DCTN1: variants seen among roughly 807,000 people sequenced by gnomAD.
The protein encoded by DCTN1 is dynactin subunit 1.
A neutral mutation model predicts 161.2 loss-of-function variants in DCTN1; 61 were observed. That is an observed-to-expected ratio of 0.38 (90% confidence interval 0.31 to 0.47). DCTN1 has a LOEUF of 0.47. DCTN1 is among the 20% of genes least tolerant of loss of function. The pLI, the probability that DCTN1 is intolerant of heterozygous loss-of-function variation, is 0.99. For synonymous variants in DCTN1, 653 were observed against 632.4 expected (o/e 1.03, Z -0.49); for missense variants, 1,404 against 1,623.7 (o/e 0.86, Z 2.33).
At position 74,370,079 on chromosome 2, in the gene DCTN1, G is replaced by C. The variant is rs72659375; in HGVS notation, c.1288-10C>G. The C allele has an allele frequency of 6.8e-6, 11 of 1,614,140 alleles. No individual in the cohort carries two copies. Among genetic ancestry groups the C allele is most frequent in the Non-Finnish European group, 9.3e-6 (11 of 1,180,014 alleles). On this transcript the variant is annotated splice_polypyrimidine_tract_variant and intron_variant, in intron 12 of 31. Transcript: ENST00000628224. This position sits in a 1 kb window ranked among gnomAD's most constrained non-coding sequence, Gnocchi z 4.4. Reference sequence around the variant, plus strand: ...CCAGAGCAGCATCCACCTGTGTTACGGGGAGGATAGGGAGAAGGGCTGCTG... The same window carrying C: ...CCAGAGCAGCATCCACCTGTGTTACCGGGAGGATAGGGAGAAGGGCTGCTG...
At chr2:74,391,572 G>A (rs1280302491) in intron 1 of DCTN1, 2 of 335,140 alleles carry the variant, frequency 6.0e-6, no homozygotes, top group East Asian at 9.4e-5. Flanking sequence ...CTAAGGCGCA[G>A]TCACTCTGAT....
intron 15 of DCTN1, 38 bp from the exon 16 acceptor site, chr2:74,368,918 C>A (rs780825304): frequency 1.6e-5 from 25 of 1,612,522 alleles, no homozygotes; most frequent in Non-Finnish European, 2.1e-5. Flanking sequence ...TTAGCCAGAG[C>A]TGAAAGAGCC....
chr2:74,373,051 C>G, intron 6 of DCTN1, 103 bp from the exon 7 acceptor site: 1 of 1,106,738 alleles, frequency 9.0e-7, no homozygotes, highest in Non-Finnish European at 1.4e-6. Flanking sequence ...GAAGAAATAA[C>G]AGGAATGGGG....
At position 74,365,036 on chromosome 2, in the gene DCTN1, T is replaced by C. The variant is rs1674297620; in HGVS notation, c.3196+39A>G. On this transcript the variant is annotated intron_variant, in intron 26 of 31. Transcript: ENST00000628224. ...AGGCCAAGGACAGGAGAGAAGACAA[T>C]CTCCTCTGTGCTAGTGCTGCCTATT... 15 of 1,613,242 alleles carry C rather than the reference T, an allele frequency of 9.3e-6. No homozygotes were observed. The East Asian group carries it at 2.2e-4, about 24-fold the overall frequency.
At position 74,362,125 on chromosome 2, in the gene DCTN1, T is replaced by C. The variant is rs150386917; in HGVS notation, c.3626A>G (p.Glu1209Gly). The stretch of plus-strand genomic sequence containing the variant: ...GGCTCCAGGGCGCTGAGATACTGTC[T>C]CCTTGAGGACCTCATCCTAGGGAAG... Reference protein sequence around the residue: ...VEKLKDEVLKETVSQRPGATV... With the variant: ...VEKLKDEVLKGTVSQRPGATV... The change falls in exon 31 of 32, where the codon GAG (glutamate) becomes GGG (glycine). Residue 1209 changes from glutamate (E) to glycine (G), a missense_variant. Around this residue, in one of 9 missense-constraint regions of DCTN1, gnomAD observed 311 missense variants for 298.9 expected, o/e 1.04. Coordinates refer to ENST00000628224, the MANE Select transcript of DCTN1 (RefSeq NM_004082.5). 1 of 1,613,722 alleles carries C rather than the reference T, an allele frequency of 6.2e-7. No individual in the cohort carries two copies. Among genetic ancestry groups the C allele is most frequent in the Non-Finnish European group, 8.5e-7 (1 of 1,179,778 alleles).
intron 18 of DCTN1, 109 bp from the exon 19 acceptor site, chr2:74,367,529 G>C (rs1366101022): frequency 6.7e-7 from 1 of 1,494,236 alleles, no homozygotes; most frequent in East Asian, 2.3e-5. Context: ...AGGTACAAGA[G>C]AATCCAAAGC....
chr2:74,365,561 G>C lies in DCTN1; in HGVS notation c.2983C>G (p.Gln995Glu), dbSNP rs1486092622. The part of the protein sequence containing the change: ...KDADERIEKV[Q>E]TRLEETQALL... Reference sequence around the variant, plus strand: ...GCCTGGGTCTCCTCCAGCCGAGTCTGGACTTTCTCGATGCGCTCATCTGCA... The same window carrying C: ...GCCTGGGTCTCCTCCAGCCGAGTCTCGACTTTCTCGATGCGCTCATCTGCA... The change falls in exon 25 of 32, where the codon CAG (glutamine) becomes GAG (glutamate). Residue 995 changes from glutamine (Q) to glutamate (E), a missense_variant. Physicochemically the swap from Gln to Glu is conservative, Grantham distance 29. Around this residue, in one of 9 missense-constraint regions of DCTN1, gnomAD observed 475 missense variants for 489.8 expected, o/e 0.97. Transcript: ENST00000628224. 6 of 1,614,122 alleles carry C rather than the reference G, an allele frequency of 3.7e-6. No homozygotes were observed. In the South Asian group the frequency reaches 6.6e-5, roughly 18 times the overall value.
Position 74,371,546 on chromosome 2 carries a change from G to T in DCTN1, c.636C>A (p.Ser212=), listed in dbSNP as rs1399722047. Residue 212 remains serine, a synonymous_variant, in exon 8 of 32, where the codon TCC becomes TCA. Transcript: ENST00000628224. ...TSPGAVPPLP[S]PSKEEEGLRA... is the part of the protein sequence containing the mutation. The stretch of plus-strand genomic sequence containing the variant: ...CTACCCCAGGCCTTACCTTGGATGG[G>T]GAAGGAAGCGGGGGGACTGCTCCAG... 6.4e-7 allele frequency: 1 copy of T among 1,574,104 alleles called. No individual in the cohort carries two copies. The highest frequency in any genetic ancestry group is 8.6e-7 in the Non-Finnish European group (1 of 1,159,990).
intron 26 of DCTN1, 97 bp downstream of exon 26, chr2:74,364,978 G>T (rs557075318): frequency 1.3e-6 from 2 of 1,506,480 alleles, no homozygotes; most frequent in Admixed American, 3.4e-5. Flanking sequence ...CTGAATACCC[G>T]GGGGTAAGGG....
chr2:74,370,468 C>T lies in DCTN1; in HGVS notation c.1125G>A (p.Val375=). ...GAGGCAAGCACTGAAGACCCTACCT[C>T]ACCAGGGCATCCTTCAGGCGGGCAT... ...EQNARLKDAL[V]RMRDLSSSEK... The change falls in exon 11 of 32, where the codon GTG becomes GTA. Residue 375 remains valine, a splice_region_variant and synonymous_variant. Transcript: ENST00000628224. This position sits in a 1 kb window ranked among gnomAD's most constrained non-coding sequence, Gnocchi z 4.4. 1.2e-6 allele frequency: 2 copies of T among 1,614,232 alleles called. No individual in the cohort carries two copies. Among genetic ancestry groups the T allele is most frequent in the Non-Finnish European group, 1.7e-6 (2 of 1,180,048 alleles).
At chr2:74,363,789 C>A in intron 26 of DCTN1, 161 bp from the exon 27 acceptor site, 1 of 944,508 alleles carries the variant, frequency 1.1e-6, no homozygotes, top group Non-Finnish European at 1.7e-6. Flanking sequence ...TGCCACCTAT[C>A]TTTGGGGACG....
In DCTN1 at chr2:74,372,560, CACAG is replaced by C. The variant is rs1029855402; in HGVS notation, c.453+364_453+367del. ...TCAGACATCCCCACCCAAGGCCTGT[CACAG>C]ACACACTCACCTCCTTATCCCCTGA... On this transcript the variant is annotated intron_variant, in intron 7 of 31. Transcript: ENST00000628224. Among the ~76,000 whole-genome samples, 74 of 152,352 alleles carry C rather than the reference CACAG, an allele frequency of 4.9e-4. 1 individual carries two copies. The highest frequency in any genetic ancestry group is 1.7e-3 in the African/African-American group (70 of 41,584).
At position 74,365,063 on chromosome 2, in the gene DCTN1, C is replaced by G; in HGVS notation, c.3196+12G>C. ...TCCTCTGTGCTAGTGCTGCCTATTC[C>G]ACAGTACTCACCACCAGCAATGCCA... On this transcript the variant is annotated intron_variant, in intron 26 of 31. Transcript: ENST00000628224. 1 of 1,613,972 alleles carries G rather than the reference C, an allele frequency of 6.2e-7. No individual in the cohort carries two copies. The highest frequency in any genetic ancestry group is 8.5e-7 in the Non-Finnish European group (1 of 1,179,956).
At chr2:74,362,629 T>C in intron 30 of DCTN1, 21 bp downstream of exon 30, 1 of 1,612,360 alleles carries the variant, frequency 6.2e-7, no homozygotes, top group Non-Finnish European at 8.5e-7. Context: ...AAGTGAGCTC[T>C]GCCTGGCAAA....
chr2:74,363,592 C>T, intron 27 of DCTN1, 22 bp downstream of exon 27: 1 of 1,613,106 alleles, frequency 6.2e-7, no homozygotes, highest in African/African-American at 1.3e-5. Context: ...CCTGGTAACC[C>T]CCGGCCAGAG....
At chr2:74,362,941 G>C in intron 29 of DCTN1, 53 bp downstream of exon 29, 1 of 1,589,966 alleles carries the variant, frequency 6.3e-7, no homozygotes, top group Non-Finnish European at 8.6e-7. Flanking sequence ...CTAAATCCCT[G>C]GGCCAAGTGG....
chr2:74,382,047 A>G (rs906819243), upstream of DCTN1, among the ~76,000 whole-genome samples: 2 of 152,196 alleles, frequency 1.3e-5, no homozygotes, highest in African/African-American at 2.4e-5. Flanking sequence ...CCTGACCCAG[A>G]GCCCTCTGTG....
In DCTN1 at chr2:74,371,063, G is replaced by C; in HGVS notation, c.759C>G (p.Ile253Met). The C allele has an allele frequency of 6.2e-7, 1 of 1,614,200 alleles. No individual in the cohort carries two copies. The highest frequency in any genetic ancestry group is 8.5e-7 in the Non-Finnish European group (1 of 1,180,034). The change falls in exon 9 of 32, where the codon ATC (isoleucine) becomes ATG (methionine). Residue 253 changes from isoleucine (I) to methionine (M), a missense_variant. Physicochemically the swap from Ile to Met is conservative, Grantham distance 10. Transcript: ENST00000628224. ...TCCATTCCTGCACCTGCTCCAGCTGGATTTTGTGTTTCTCCAGCTCTTTTA... is the reference window on the plus strand; with the variant it reads ...TCCATTCCTGCACCTGCTCCAGCTGCATTTTGTGTTTCTCCAGCTCTTTTA... ...AKLKELEKHK[I>M]QLEQVQEWKS... is the part of the protein sequence containing the mutation.
upstream of DCTN1, among the ~76,000 whole-genome samples, chr2:74,382,413 G>A (rs1430126462): frequency 1.3e-5 from 2 of 151,726 alleles, no homozygotes; most frequent in Non-Finnish European, 2.9e-5. Flanking sequence ...CAGCCTGGCT[G>A]ACATGGTGAA....
Sources: allele counts gnomAD v4.1 joint callset (sites outside exome capture counted in the v4.1 genomes callset), GRCh38; gene constraint gnomAD v4.1.1; regional missense constraint gnomAD v4.1.1; non-coding constraint Gnocchi (gnomAD v3.1); transcripts MANE v1.5; gene names NCBI Gene and HGNC (gene_info 2026-07-23, HGNC 2026-07-21).